CNPY1: variants seen among roughly 807,000 people sequenced by gnomAD.
CNPY1 encodes the protein canopy FGF signaling regulator 1.
In CNPY1, 14 loss-of-function variants were observed where a neutral mutation model predicts 14.4. The observed-to-expected ratio is 0.97, with a 90% CI of 0.64 to 1.52. CNPY1 has a LOEUF of 1.52. Among genes scored for constraint, CNPY1 ranks in the 40% most tolerant of loss-of-function variants. The pLI, the probability that CNPY1 is intolerant of heterozygous loss-of-function variation, is 0.00. For synonymous variants in CNPY1, 43 were observed against 46.5 expected (o/e 0.92, Z 0.31); for missense variants, 129 against 131.5 (o/e 0.98, Z 0.09).
intron 4 of CNPY1, chr7:155,506,666 C>T: frequency 4.8e-6 from 1 of 209,296 alleles, no homozygotes; most frequent in South Asian, 7.5e-5. Context: ...GGTCTCCTTC[C>T]CTGGTCCAGG....
intron 2 of CNPY1, among the ~76,000 whole-genome samples, chr7:155,527,058 T>TTTCTTTCTTTCTTTCTTTCTTTTTC (rs751755665): frequency 5.1e-5 from 2 of 39,580 alleles, no homozygotes; most frequent in East Asian, 1.3e-3. Context: ...TTCTTTCTTT[T>TTTCTTTCTTTCTTTCTTTCTTTTTC]TTTTTTTTTT....
chr7:155,516,765 G>C (rs867538199), intron 2 of CNPY1, among the ~76,000 whole-genome samples: 1 of 152,098 alleles, frequency 6.6e-6, no homozygotes, highest in Non-Finnish European at 1.5e-5. Context: ...GAATGTCCTG[G>C]GCCCAGGGTG....
rs145353318 is a variant in CNPY1 at position 155,539,540 on chromosome 7, T to G, written c.99+6291A>C. Among the ~76,000 whole-genome samples, 1,230 of 152,328 alleles carry G rather than the reference T, an allele frequency of 8.1e-3. 12 individuals carry two copies. The highest frequency in any genetic ancestry group is 0.028 in the African/African-American group (1,163 of 41,572). On this transcript the variant is annotated intron_variant, in intron 2 of 4. Transcript: ENST00000636446. ...ATGTACAGTTGTGCAGGTTGCACACTGCACAGCTCCAGGATGTTATAGTGC... is the reference window on the plus strand; with the variant it reads ...ATGTACAGTTGTGCAGGTTGCACACGGCACAGCTCCAGGATGTTATAGTGC...
intron 2 of CNPY1, among the ~76,000 whole-genome samples, chr7:155,542,657 C>T (rs889953): frequency 1.3e-5 from 2 of 152,356 alleles, no homozygotes. Context: ...CCAAGACCCT[C>T]CCGCTGCTGA....
In CNPY1 at chr7:155,502,003, T is replaced by TGGGGGGGGGGGGTGGG. The variant is rs60236629; in HGVS notation, c.*1064_*1065insCCCACCCCCCCCCCCC. ...GCAAAGAGTTTTGGGTCGGGGGGGTTGGGGGGGGGATTTGTAGCATCCTAC... is the reference window on the plus strand; with the variant it reads ...GCAAAGAGTTTTGGGTCGGGGGGGTTGGGGGGGGGGGGTGGGGGGGGGGGGATTTGTAGCATCCTAC... On this transcript the variant is annotated 3_prime_UTR_variant, in exon 5 of 5. Coordinates refer to ENST00000636446, the MANE Select transcript of CNPY1 (RefSeq NM_001393663.1). 1.6e-5 allele frequency: 2 copies of TGGGGGGGGGGGGTGGG among 125,304 alleles called. No homozygotes were observed. Among genetic ancestry groups the TGGGGGGGGGGGGTGGG allele is most frequent in the Non-Finnish European group, 1.7e-5 (1 of 60,114 alleles). 7.8% of individuals were successfully genotyped at this position (125,304 alleles called of 1,614,324 possible).
chr7:155,518,536 A>G (rs1377834973), intron 2 of CNPY1: 1 of 152,134 alleles, frequency 6.6e-6, no homozygotes. Context: ...AGTGCTGAAT[A>G]TTGTGCATTC....
At chr7:155,542,594 A>G (rs1585338801) in intron 2 of CNPY1, among the ~76,000 whole-genome samples, 1 of 110,990 alleles carries the variant, frequency 9.0e-6, no homozygotes, top group East Asian at 2.4e-4. Flanking sequence ...TGCAGAGTAG[A>G]AAAAAAAGCG....
chr7:155,527,802 CAT>C (rs1270057080), intron 2 of CNPY1, among the ~76,000 whole-genome samples: 1 of 152,170 alleles, frequency 6.6e-6, no homozygotes, highest in African/African-American at 2.4e-5. Context: ...AGTAATGAGA[CAT>C]GTGAGTATTC....
At chr7:155,530,783 T>G (rs1796923974) in intron 2 of CNPY1, among the ~76,000 whole-genome samples, 2 of 152,218 alleles carry the variant, frequency 1.3e-5, no homozygotes, top group South Asian at 4.1e-4. Flanking sequence ...GATCCTGTGC[T>G]GTGGGGCCGC....
chr7:155,514,689 G>A (rs11771306), intron 2 of CNPY1, among the ~76,000 whole-genome samples: 4,617 of 152,210 alleles, frequency 0.03, 91 homozygotes, highest in Middle Eastern at 0.068. Flanking sequence ...GAGGTTGGGA[G>A]TTCAAGACCA....
chr7:155,540,497 G>A (rs1166774817), intron 2 of CNPY1, among the ~76,000 whole-genome samples: 1 of 152,240 alleles, frequency 6.6e-6, no homozygotes, highest in African/African-American at 2.4e-5. Context: ...CCAGAGTTGT[G>A]TTTTAAAGCT....
rs1585341074 is a variant in CNPY1 at position 155,545,871 on chromosome 7, G to A, written c.59C>T (p.Ser20Phe). ...AGTCCCATCGGGATTGATTCGGAAG[G>A]ATCCCACCTTGGTCTTCTTCTGCCG... The part of the protein sequence containing the change: ...KARQKKTKVG[S>F]FRINPDGTQE... Residue 20 changes from serine to phenylalanine, a missense_variant, in exon 2 of 5, where the codon TCC becomes TTC. By Grantham distance (155) the Ser-to-Phe change is radical. Transcript: ENST00000636446. 1 of 398,516 alleles carries A rather than the reference G, an allele frequency of 2.5e-6. No homozygotes were observed. Among genetic ancestry groups the A allele is most frequent in the Non-Finnish European group, 4.4e-6 (1 of 226,094 alleles). The allele number at this position is 398,516 out of a possible 1,614,324, so 24.7% of individuals were successfully genotyped here.
chr7:155,520,726 T>A (rs1175516627), intron 2 of CNPY1, among the ~76,000 whole-genome samples: 1 of 152,202 alleles, frequency 6.6e-6, no homozygotes, highest in Non-Finnish European at 1.5e-5. Flanking sequence ...CAAAATGACA[T>A]TAAATGTCTT....
intron 2 of CNPY1, among the ~76,000 whole-genome samples, chr7:155,539,242 C>T (rs1442708258): frequency 6.6e-6 from 1 of 152,144 alleles, no homozygotes; most frequent in East Asian, 1.9e-4. Flanking sequence ...TTTAGGCTAC[C>T]GTATCATGCT....
intron 2 of CNPY1, among the ~76,000 whole-genome samples, chr7:155,509,601 T>G (rs1191015370): frequency 6.6e-6 from 1 of 152,212 alleles, no homozygotes; most frequent in East Asian, 1.9e-4. Context: ...CGGGGAGAAG[T>G]TGGGGAGGCC....
chr7:155,534,828 G>A (rs1036969634), intron 2 of CNPY1, among the ~76,000 whole-genome samples: 1 of 152,234 alleles, frequency 6.6e-6, no homozygotes, highest in Non-Finnish European at 1.5e-5. Context: ...GGCGCTGGGC[G>A]GCTCCTGAGC....
chr7:155,507,281 A>T (rs1049671003), intron 3 of CNPY1, among the ~76,000 whole-genome samples, 165 bp from the exon 4 acceptor site: 3 of 151,668 alleles, frequency 2.0e-5, no homozygotes, highest in Non-Finnish European at 4.4e-5. Flanking sequence ...CATTGGATTA[A>T]CCCTCTTCCC....
At chr7:155,514,046 C>T (rs1201640051) in intron 2 of CNPY1, among the ~76,000 whole-genome samples, 2 of 152,214 alleles carry the variant, frequency 1.3e-5, no homozygotes, top group Non-Finnish European at 2.9e-5. Flanking sequence ...TGGCTGTGCC[C>T]TCCGGTGGGC....
chr7:155,528,506 ACTGGAGAGAAGGGAAGTTCAAGTC>A (rs1460030603), intron 2 of CNPY1, among the ~76,000 whole-genome samples: 3 of 152,182 alleles, frequency 2.0e-5, no homozygotes, highest in Non-Finnish European at 4.4e-5. Context: ...CTTCATTCTA[ACTGGAGAGAAGGGAAGTTCAAGTC>A]CAGCAGAGGG....
Sources: gnomAD v4.1 joint callset for allele counts (sites outside exome capture counted in the v4.1 genomes callset) on GRCh38, gnomAD v4.1.1 for gene constraint, MANE v1.5 for transcripts, NCBI Gene and HGNC (gene_info 2026-07-23, HGNC 2026-07-21) for gene names.